IRF2: variants seen among roughly 807,000 people sequenced by gnomAD.
The protein encoded by IRF2 is interferon regulatory factor 2.
Under a neutral mutation model 40.6 loss-of-function variants are expected in IRF2, and 15 were observed. The ratio of observed to expected loss-of-function variants is 0.37; its 90% CI spans 0.25 to 0.57. IRF2 has a LOEUF of 0.57. Among genes scored for constraint, IRF2 ranks in the 20% least tolerant of loss-of-function variants. The probability of loss-of-function intolerance (pLI) is 0.77; values close to 1 mark genes in which losing one functional copy is unlikely to be tolerated. For synonymous variants in IRF2, 151 were observed against 165.5 expected, an observed-to-expected ratio of 0.91 and a Z score of 0.67; for missense variants, 317 against 455.7, an observed-to-expected ratio of 0.70 and a Z score of 2.77.
chr4:184,458,730 G>C (rs79224518), intron 1 of IRF2, among the ~76,000 whole-genome samples: 2,109 of 152,244 alleles, frequency 0.014, 56 homozygotes, highest in African/African-American at 0.047. Flanking sequence ...CCAGGCTATA[G>C]TTTTCAATAA....
At chr4:184,472,526 G>A (rs1739547746) in intron 1 of IRF2, 1 of 152,040 alleles carries the variant, frequency 6.6e-6, no homozygotes, top group South Asian at 2.1e-4. Flanking sequence ...CATACCTCCT[G>A]GCCATTCATC....
At chr4:184,446,501 C>A (rs1738514167) in intron 1 of IRF2, among the ~76,000 whole-genome samples, 1 of 152,108 alleles carries the variant, frequency 6.6e-6, no homozygotes, top group Admixed American at 6.5e-5. Context: ...GGACATAAGA[C>A]CACATACACA....
At chr4:184,416,801 T>C (rs1466684741) in intron 5 of IRF2, among the ~76,000 whole-genome samples, 1 of 152,138 alleles carries the variant, frequency 6.6e-6, no homozygotes, top group African/African-American at 2.4e-5. Flanking sequence ...TTCCCAGCAC[T>C]TTGGGAGACT....
At chr4:184,461,196 C>T (rs138923780) in intron 1 of IRF2, among the ~76,000 whole-genome samples, 132 of 152,286 alleles carry the variant, frequency 8.7e-4, no homozygotes, top group Admixed American at 3.6e-3. Context: ...TTAATGACAC[C>T]AGACCATAGT....
chr4:184,425,535 A>G (rs1353139275), intron 2 of IRF2, among the ~76,000 whole-genome samples: 1 of 152,204 alleles, frequency 6.6e-6, no homozygotes, highest in Admixed American at 6.5e-5. Flanking sequence ...CGGTGCTGAG[A>G]GGCGGCACGG....
intron 5 of IRF2, among the ~76,000 whole-genome samples, chr4:184,410,862 A>G (rs1269583229): frequency 6.6e-6 from 1 of 152,218 alleles, no homozygotes; most frequent in Non-Finnish European, 1.5e-5. Flanking sequence ...TGAGAAAACG[A>G]TGACTCAGAG....
At chr4:184,396,437 T>C (rs1385665324) in intron 7 of IRF2, among the ~76,000 whole-genome samples, 4 of 135,360 alleles carry the variant, frequency 3.0e-5, no homozygotes, top group African/African-American at 1.1e-4. Context: ...TTTTTTTTTC[T>C]TTTTTTTTTT....
chr4:184,450,299 T>C lies in IRF2; in HGVS notation c.-6-21229A>G, dbSNP rs145734876. Reference sequence around the variant, plus strand: ...CTTTCAGTTTCAGAGCATTTTGGATTGCAAATAAGGGATTTGGGGCTTGCA... The same window carrying C: ...CTTTCAGTTTCAGAGCATTTTGGATCGCAAATAAGGGATTTGGGGCTTGCA... On this transcript the variant is annotated intron_variant, in intron 1 of 8. Transcript: ENST00000393593. Among the ~76,000 whole-genome samples the C allele has an allele frequency of 2.0e-3, 308 of 152,356 alleles. 1 individual carries two copies. The highest frequency in any genetic ancestry group is 6.9e-3 in the African/African-American group (289 of 41,588).
chr4:184,414,904 T>A (rs1478140822), intron 5 of IRF2, among the ~76,000 whole-genome samples: 1 of 152,240 alleles, frequency 6.6e-6, no homozygotes, highest in Non-Finnish European at 1.5e-5. Context: ...TGTATCCAGT[T>A]ACATATTTGG....
intron 5 of IRF2, among the ~76,000 whole-genome samples, chr4:184,410,894 C>G (rs1737047340): frequency 6.6e-6 from 1 of 152,182 alleles, no homozygotes; most frequent in Non-Finnish European, 1.5e-5. Flanking sequence ...TTTCCAAGAT[C>G]ACGCTACTTT....
chr4:184,402,775 T>G (rs1002736798), intron 6 of IRF2, among the ~76,000 whole-genome samples: 7 of 152,122 alleles, frequency 4.6e-5, no homozygotes, highest in Non-Finnish European at 1.0e-4. Flanking sequence ...GACAGCCGGC[T>G]GTGGGTGCGA....
intron 1 of IRF2, among the ~76,000 whole-genome samples, chr4:184,456,454 C>T (rs1420280265): frequency 2.6e-5 from 4 of 152,222 alleles, no homozygotes; most frequent in Admixed American, 2.6e-4. Flanking sequence ...GAAGAAGCTG[C>T]GCCACGGGGA....
intron 1 of IRF2, among the ~76,000 whole-genome samples, chr4:184,457,698 G>A (rs978734502): frequency 3.3e-5 from 5 of 152,034 alleles, no homozygotes; most frequent in Non-Finnish European, 5.9e-5. Flanking sequence ...AGTCCTTCCC[G>A]CAATGGACCG....
At chr4:184,411,951 T>C (rs529107317) in intron 5 of IRF2, among the ~76,000 whole-genome samples, 2 of 131,056 alleles carry the variant, frequency 1.5e-5, no homozygotes, top group South Asian at 5.2e-4. Flanking sequence ...CTTCTGTAAA[T>C]CAAGTAACCC....
chr4:184,436,875 A>G (rs1167430212), intron 1 of IRF2, among the ~76,000 whole-genome samples: 1 of 152,082 alleles, frequency 6.6e-6, no homozygotes, highest in Non-Finnish European at 1.5e-5. Flanking sequence ...AAATACTAGT[A>G]TCCCCATTTT....
At chr4:184,438,546 G>A (rs530680548) in intron 1 of IRF2, among the ~76,000 whole-genome samples, 23 of 152,240 alleles carry the variant, frequency 1.5e-4, no homozygotes, top group Non-Finnish European at 2.2e-4. Context: ...ACTGCCTCCC[G>A]ACAGTGTGTG....
chr4:184,427,567 GCA>G (rs1256063715), intron 2 of IRF2, among the ~76,000 whole-genome samples: 1 of 152,052 alleles, frequency 6.6e-6, no homozygotes, highest in African/African-American at 2.4e-5. Context: ...GATCGCTTCA[GCA>G]CAGAGGCAGA....
intron 7 of IRF2, among the ~76,000 whole-genome samples, chr4:184,392,984 T>C (rs540120840): frequency 9.2e-5 from 14 of 152,140 alleles, no homozygotes; most frequent in African/African-American, 3.1e-4. Context: ...GCTATGAAGA[T>C]GAGCTGACGT....
intron 8 of IRF2, 87 bp downstream of exon 8, chr4:184,390,616 G>T: frequency 1.6e-6 from 2 of 1,223,136 alleles, no homozygotes; most frequent in Non-Finnish European, 2.4e-6. Context: ...CTAAAGGAAA[G>T]GTGCATAACC....
Sources: allele counts gnomAD v4.1 joint callset (sites outside exome capture counted in the v4.1 genomes callset), GRCh38; gene constraint gnomAD v4.1.1; transcripts MANE v1.5; gene names NCBI Gene and HGNC (gene_info 2026-07-23, HGNC 2026-07-21).